FAM83F: variants seen among roughly 807,000 people sequenced by gnomAD.
FAM83F encodes the protein protein FAM83F.
Under a neutral mutation model 42.9 loss-of-function variants are expected in FAM83F, and 45 were observed. The ratio of observed to expected loss-of-function variants is 1.05; its 90% CI spans 0.83 to 1.35. The LOEUF is 1.35. FAM83F is among the 40% of genes most tolerant of loss of function. The pLI is 0.00. For missense variants in FAM83F, 617 were observed against 695.9 expected (o/e 0.89, Z 1.28); for synonymous variants, 306 against 298.3 (o/e 1.03, Z -0.27).
intron 1 of FAM83F, among the ~76,000 whole-genome samples, chr22:40,000,637 A>T (rs760987048): frequency 6.6e-6 from 1 of 152,180 alleles, no homozygotes; most frequent in Non-Finnish European, 1.5e-5. Flanking sequence ...AAAGTATGTA[A>T]TTTTTAAAAA....
At chr22:39,998,270 A>C (rs544607212) in intron 1 of FAM83F, among the ~76,000 whole-genome samples, 4 of 152,134 alleles carry the variant, frequency 2.6e-5, no homozygotes, top group Non-Finnish European at 5.9e-5. Context: ...GGAACTGCCG[A>C]GGGGAGGCAG....
At position 40,023,490 on chromosome 22, in the gene FAM83F, A is replaced by T. The variant is rs1018062437; in HGVS notation, c.1453+1527A>T. 5.3e-5 allele frequency among the ~76,000 whole-genome samples: 8 copies of T among 152,060 alleles called. No homozygotes were observed. Among genetic ancestry groups the T allele is most frequent in the African/African-American group, 1.7e-4 (7 of 41,402 alleles). ...AGGGGGCGAGCCGACAGCAGCAAGG[A>T]CTATTTCCCGAGTCCTGACTGAAGT... is the stretch of plus-strand genomic sequence containing the variant. On this transcript the variant is annotated intron_variant, in intron 4 of 4. Coordinates refer to ENST00000333407, the MANE Select transcript of FAM83F (RefSeq NM_138435.4). This position sits in a 1 kb window ranked among gnomAD's most constrained non-coding sequence, Gnocchi z 4.1.
chr22:40,024,985 C>T (rs1026209106), intron 4 of FAM83F, among the ~76,000 whole-genome samples: 4 of 152,134 alleles, frequency 2.6e-5, no homozygotes, highest in Admixed American at 6.5e-5. Context: ...AAGCTAGGCG[C>T]CTCTTCTACG....
intron 1 of FAM83F, among the ~76,000 whole-genome samples, chr22:40,001,337 C>T (rs1433488970): frequency 5.3e-5 from 8 of 152,138 alleles, no homozygotes; most frequent in Non-Finnish European, 1.5e-5. Context: ...ACTGAGCTTC[C>T]TGGATGGCTT....
At chr22:40,014,859 C>T (rs1189433311) in intron 1 of FAM83F, among the ~76,000 whole-genome samples, 1 of 152,150 alleles carries the variant, frequency 6.6e-6, no homozygotes, top group African/African-American at 2.4e-5. Context: ...AGCTTTATAA[C>T]CTTGGACATA....
At chr22:40,019,672 C>G (rs1397324475) in intron 2 of FAM83F, among the ~76,000 whole-genome samples, 1 of 152,178 alleles carries the variant, frequency 6.6e-6, no homozygotes, top group Non-Finnish European at 1.5e-5. Flanking sequence ...AGGAACCACC[C>G]TGGGCTTGTC....
chr22:40,040,258 C>T lies in FAM83F; in HGVS notation c.*10693C>T, dbSNP rs1005438249. ...AGACATCCCAGAGGCAATATAGCAG[C>T]GTGGACAAGAGCTTACTCGTTGGAG... On this transcript the variant is annotated 3_prime_UTR_variant, in exon 5 of 5. Transcript: ENST00000333407. 1.3e-5 allele frequency: 2 copies of T among 152,098 alleles called. No homozygotes were observed. The highest frequency in any genetic ancestry group is 1.3e-4 in the Admixed American group (2 of 15,286). 9.4% of individuals were successfully genotyped at this position (152,098 alleles called of 1,614,324 possible).
chr22:40,029,079 A>G (rs558579844), intron 4 of FAM83F, among the ~76,000 whole-genome samples: 28 of 113,264 alleles, frequency 2.5e-4, no homozygotes, highest in African/African-American at 1.0e-3. Context: ...TCTTGGCTAG[A>G]CGTGTGTGTG....
In FAM83F at chr22:40,041,589, C is replaced by A. The variant is rs180842518; in HGVS notation, c.*12024C>A. 13 of 152,274 alleles carry A rather than the reference C, an allele frequency of 8.5e-5. No individual in the cohort carries two copies. Among genetic ancestry groups the A allele is most frequent in the Admixed American group, 1.3e-4 (2 of 15,302 alleles). 9.4% of individuals were successfully genotyped at this position (152,274 alleles called of 1,614,324 possible). ...AATATTTGATTGACAGATTGGCTTC[C>A]TTCCTATAAGTATAGAAAGCGAGGG... On this transcript the variant is annotated 3_prime_UTR_variant, in exon 5 of 5. Coordinates refer to ENST00000333407, the MANE Select transcript of FAM83F (RefSeq NM_138435.4).
Position 39,995,673 on chromosome 22 carries a change from G to A in FAM83F, c.489+142G>A. 7.4e-7 allele frequency: 1 copy of A among 1,352,912 alleles called. No homozygotes were observed. The allele number at this position is 1,352,912 out of a possible 1,614,324, so 83.8% of individuals were successfully genotyped here. A position where few individuals can be genotyped will look rare whatever the true frequency, so the allele number is the denominator to read the frequency against. On this transcript the variant is annotated intron_variant, in intron 1 of 4. Transcript: ENST00000333407. This position sits in a 1 kb window ranked among gnomAD's most constrained non-coding sequence, Gnocchi z 4.6. ...GGCCCCAACCCGCCCCTACTTCCTGGGGCTGCAGTGAGGCCTGTAGAGCGA... is the reference window on the plus strand; with the variant it reads ...GGCCCCAACCCGCCCCTACTTCCTGAGGCTGCAGTGAGGCCTGTAGAGCGA...
chr22:40,019,810 C>G (rs776422173), intron 2 of FAM83F, 77 bp from the exon 3 acceptor site: 2 of 1,523,602 alleles, frequency 1.3e-6, no homozygotes, highest in Non-Finnish European at 1.8e-6. Flanking sequence ...CAAGGGGGCT[C>G]TTCCTCTGCA....
chr22:39,999,511 C>G (rs534012656), intron 1 of FAM83F, among the ~76,000 whole-genome samples: 2 of 152,344 alleles, frequency 1.3e-5, no homozygotes, highest in African/African-American at 4.8e-5. Flanking sequence ...TTATCACAAA[C>G]TGTCCAATCT....
At chr22:40,027,607 A>G (rs888350191) in intron 4 of FAM83F, among the ~76,000 whole-genome samples, 1 of 152,202 alleles carries the variant, frequency 6.6e-6, no homozygotes, top group African/African-American at 2.4e-5. Flanking sequence ...TCAGCTCCCA[A>G]TATGTGAGCA....
At chr22:40,020,049 A>G (rs1375237104) in intron 3 of FAM83F, 41 bp downstream of exon 3, 4 of 1,581,056 alleles carry the variant, frequency 2.5e-6, no homozygotes, top group Non-Finnish European at 3.4e-6. Flanking sequence ...GGAGGCCTTG[A>G]TTCCAGGTAG....
rs760168435 is a variant in FAM83F, at chr22:40,019,966, T to A, written c.737T>A (p.Phe246Tyr). The A allele has an allele frequency of 6.2e-7, 1 of 1,613,644 alleles. No individual in the cohort carries two copies. Among genetic ancestry groups the A allele is most frequent in the Admixed American group, 1.7e-5 (1 of 59,988 alleles). ...GRIKGTLSSR[F>Y]LMVDGDKVAT... ...ATCAAGGGGACCCTGTCATCAAGGT[T>A]CCTGATGGTGGACGGTGACAAAGTG... The change falls in exon 3 of 5, where the codon TTC becomes TAC. Residue 246 changes from phenylalanine to tyrosine, a missense_variant. Transcript: ENST00000333407.
intron 1 of FAM83F, among the ~76,000 whole-genome samples, chr22:40,010,679 C>T (rs1254061701): frequency 6.6e-6 from 1 of 152,192 alleles, no homozygotes; most frequent in African/African-American, 2.4e-5. Context: ...AAGCTGTCCT[C>T]AGCGACATGA....
chr22:40,015,575 A>G (rs1278456049), intron 1 of FAM83F, among the ~76,000 whole-genome samples: 2 of 151,514 alleles, frequency 1.3e-5, no homozygotes, highest in East Asian at 3.9e-4. Context: ...CGCAGCTCCC[A>G]CTCCCCTCCT....
chr22:40,023,640 T>C lies in FAM83F; in HGVS notation c.1453+1677T>C, dbSNP rs373648759. Among the ~76,000 whole-genome samples, 41 of 152,106 alleles carry C rather than the reference T, an allele frequency of 2.7e-4. No individual in the cohort carries two copies. Among genetic ancestry groups the C allele is most frequent in the African/African-American group, 9.6e-4 (40 of 41,488 alleles). On this transcript the variant is annotated intron_variant, in intron 4 of 4. Transcript: ENST00000333407. The surrounding 1 kb of genome is among the most constrained non-coding windows in gnomAD (Gnocchi z 4.1). ...TGTCCCTCCACATCCATGTCCCTGC[T>C]CCCACATCTCGGGTGGTCACGGCGG...
rs944366809 is a variant in FAM83F, at chr22:40,025,750, A to G, written c.1454-3766A>G. On this transcript the variant is annotated intron_variant, in intron 4 of 4. Transcript: ENST00000333407. ...TAAAGATAAAAATAAAATCCAACAA[A>G]TAGAGTCTGTACCACTGGGCAGGGC... 3.9e-5 allele frequency among the ~76,000 whole-genome samples: 6 copies of G among 152,126 alleles called. No homozygotes were observed. The South Asian group carries it at 6.2e-4, about 16-fold the overall frequency.
Sources: allele counts gnomAD v4.1 joint callset (sites outside exome capture counted in the v4.1 genomes callset), GRCh38; gene constraint gnomAD v4.1.1; non-coding constraint Gnocchi (gnomAD v3.1); transcripts MANE v1.5; gene names NCBI Gene and HGNC (gene_info 2026-07-23, HGNC 2026-07-21).